The following PROX1 variants were observed in gnomAD, a reference collection of about 807,000 sequenced individuals.
The protein encoded by PROX1 is prospero homeobox protein 1.
In PROX1, 7 loss-of-function variants were observed where a neutral mutation model predicts 58.8. That is an observed-to-expected ratio of 0.12 (90% confidence interval 0.07 to 0.22). PROX1 has a LOEUF of 0.22. Among genes scored for constraint, PROX1 ranks in the 10% least tolerant of loss-of-function variants. The probability of loss-of-function intolerance (pLI) is 1.00; values close to 1 mark genes in which losing one functional copy is unlikely to be tolerated. For synonymous variants in PROX1, 350 were observed against 358.3 expected (o/e 0.98, Z 0.26); for missense variants, 675 against 927.8 (o/e 0.73, Z 3.54).
In PROX1 at chr1:214,008,226, AT is replaced by A. The variant is rs1022106098; in HGVS notation, c.1833+2962del. ...GCCACCACGCCTGGCTAATTTTTGT[AT>A]TTTTTTTAGTAGAGACGGGGTTTCA... On this transcript the variant is annotated intron_variant, in intron 3 of 4. Transcript: ENST00000366958. 1.1e-4 allele frequency among the ~76,000 whole-genome samples: 16 copies of A among 151,626 alleles called. No individual in the cohort carries two copies. The East Asian group carries it at 3.1e-3, about 29-fold the overall frequency.
At chr1:213,986,060 C>T (rs1305447973), upstream of PROX1, 1 of 152,234 alleles carries the variant, frequency 6.6e-6, no homozygotes, top group Non-Finnish European at 1.5e-5. Flanking sequence ...GCTCAATACA[C>T]CCGCTTACCT....
Position 213,997,115 on chromosome 1 carries a change from G to C in PROX1, c.580G>C (p.Ala194Pro). 1 of 1,613,712 alleles carries C rather than the reference G, an allele frequency of 6.2e-7. No homozygotes were observed. Among genetic ancestry groups the C allele is most frequent in the Non-Finnish European group, 8.5e-7 (1 of 1,179,884 alleles). ...GGGCAATGAAAATGAAAGAGAGATG[G>C]CCCCGCAGTCTGTGAGTCCCCGAGA... ...LRGNENEREMAPQSVSPRESY... is the reference protein window; with the variant it reads ...LRGNENEREMPPQSVSPRESY... Residue 194 changes from alanine (A) to proline (P), a missense_variant, in exon 2 of 5, where the codon GCC (alanine) becomes CCC (proline). Physicochemically the swap from Ala to Pro is conservative, Grantham distance 27 (BLOSUM62 -1). Around this residue, in one of 8 missense-constraint regions of PROX1, gnomAD observed 403 missense variants for 477.4 expected, o/e 0.84. Transcript: ENST00000366958. This position sits in a 1 kb window ranked among gnomAD's most constrained non-coding sequence, Gnocchi z 7.1.
chr1:214,008,430 A>C (rs540970934), intron 3 of PROX1, among the ~76,000 whole-genome samples: 126 of 152,306 alleles, frequency 8.3e-4, no homozygotes, highest in African/African-American at 2.7e-3. Flanking sequence ...CAACAACAAA[A>C]AAAACCAGGA....
At chr1:214,030,398 T>C (rs1374448015) in intron 4 of PROX1, 2 of 152,110 alleles carry the variant, frequency 1.3e-5, no homozygotes, top group African/African-American at 4.8e-5. Flanking sequence ...AATCTATTGA[T>C]AGGCTTGATA....
At chr1:214,027,856 TTA>T (rs139270548) in intron 4 of PROX1, among the ~76,000 whole-genome samples, 24 of 144,794 alleles carry the variant, frequency 1.7e-4, no homozygotes, top group Admixed American at 2.1e-4. Flanking sequence ...TTTCGAAGCT[TTA>T]TATATATATA....
intron 4 of PROX1, among the ~76,000 whole-genome samples, chr1:214,015,719 C>T (rs1168549079): frequency 6.6e-6 from 1 of 152,040 alleles, no homozygotes; most frequent in Non-Finnish European, 1.5e-5. Context: ...GCAGAATCAT[C>T]CAAAGGTTGG....
At chr1:213,994,764 T>C (rs1364005706) in intron 1 of PROX1, among the ~76,000 whole-genome samples, 1 of 23,080 alleles carries the variant, frequency 4.3e-5, no homozygotes, top group East Asian at 9.2e-4. Flanking sequence ...TATATATATA[T>C]ATATATATAT....
intron 2 of PROX1, among the ~76,000 whole-genome samples, chr1:214,003,928 T>A (rs890101378): frequency 6.6e-5 from 10 of 152,252 alleles, no homozygotes; most frequent in Non-Finnish European, 1.0e-4. Flanking sequence ...TTATTTGACA[T>A]TTCTGCCTAA....
chr1:214,022,648 G>A (rs538452885), intron 4 of PROX1, among the ~76,000 whole-genome samples: 9 of 152,302 alleles, frequency 5.9e-5, no homozygotes, highest in East Asian at 1.9e-4. Context: ...GTGGTGGAAG[G>A]AGCACTGGCC....
chr1:214,005,262 C>G lies in PROX1; in HGVS notation c.1823C>G (p.Ser608Cys), dbSNP rs1462206716. ...PSSNMLKTYF[S>C]DVKFNRCITS... ...TCCAATATGCTGAAGACCTACTTCT[C>G]CGACGTAAAGGTAGGGACTTTTTTT... The change falls in exon 3 of 5, where the codon TCC (serine) becomes TGC (cysteine). Residue 608 changes from serine to cysteine, a missense_variant. Physicochemically the swap from Ser to Cys is moderately radical, Grantham distance 112 (BLOSUM62 -1). Around this residue, in one of 8 missense-constraint regions of PROX1, gnomAD observed 39 missense variants for 73.4 expected, o/e 0.53. Transcript: ENST00000366958. 6.2e-7 allele frequency: 1 copy of G among 1,610,938 alleles called. No individual in the cohort carries two copies. The highest frequency in any genetic ancestry group is 8.5e-7 in the Non-Finnish European group (1 of 1,177,498).
At chr1:214,031,101 G>A (rs1181695921) in intron 4 of PROX1, among the ~76,000 whole-genome samples, 4 of 151,840 alleles carry the variant, frequency 2.6e-5, no homozygotes, top group South Asian at 4.2e-4. Flanking sequence ...ACACACACGC[G>A]CAACCCAGCT....
At position 214,041,467 on chromosome 1, in the gene PROX1, A is replaced by G. The variant is rs534086307; in HGVS notation, c.*5633A>G. 8 of 151,634 alleles carry G rather than the reference A, an allele frequency of 5.3e-5. No homozygotes were observed. Among genetic ancestry groups the G allele is most frequent in the Non-Finnish European group, 7.4e-5 (5 of 67,906 alleles). 9.4% of individuals were successfully genotyped at this position (151,634 alleles called of 1,614,324 possible). On this transcript the variant is annotated 3_prime_UTR_variant, in exon 5 of 5. Transcript: ENST00000366958. ...TTGCTTGGATTTCTCTCTCTGAAACATCTTTCAGGCTTAACTTTATTTAGC... is the reference window on the plus strand; with the variant it reads ...TTGCTTGGATTTCTCTCTCTGAAACGTCTTTCAGGCTTAACTTTATTTAGC...
intron 4 of PROX1, among the ~76,000 whole-genome samples, chr1:214,016,479 G>T (rs1664100172): frequency 6.6e-6 from 1 of 152,152 alleles, no homozygotes; most frequent in African/African-American, 2.4e-5. Flanking sequence ...CACTGCTGTT[G>T]CAGTCTTTTG....
intron 1 of PROX1, among the ~76,000 whole-genome samples, chr1:213,994,750 A>AATATATATATAT (rs66460564): frequency 6.0e-4 from 53 of 88,284 alleles, no homozygotes; most frequent in South Asian, 2.4e-3. Context: ...CAAGCATGCA[A>AATATATATATAT]ATATATATAT....
intron 2 of PROX1, among the ~76,000 whole-genome samples, chr1:214,003,268 C>T (rs569036355): frequency 5.9e-5 from 9 of 152,294 alleles, no homozygotes; most frequent in South Asian, 2.1e-4. Flanking sequence ...AAATGCATGA[C>T]GTTGTCTTAA....
At chr1:213,983,825 T>C (rs943921648), upstream of PROX1, 1 of 151,152 alleles carries the variant, frequency 6.6e-6, no homozygotes, top group Non-Finnish European at 1.5e-5. Flanking sequence ...TTTTGTTTGG[T>C]TTTTTTAAAT....
At chr1:213,999,027 C>T (rs1663394677) in intron 2 of PROX1, among the ~76,000 whole-genome samples, 1 of 152,214 alleles carries the variant, frequency 6.6e-6, no homozygotes, top group Non-Finnish European at 1.5e-5. Context: ...TTTGTCCCAA[C>T]ATACACAAAG....
intron 3 of PROX1, among the ~76,000 whole-genome samples, chr1:214,006,925 GCACACATAGGTGTCACT>G (rs1402829144): frequency 6.6e-6 from 1 of 152,280 alleles, no homozygotes; most frequent in East Asian, 1.9e-4. Context: ...TTTACCAACT[GCACACATAGGTGTCACT>G]CACCCACCAC....
chr1:214,040,461 TA>T lies in PROX1; in HGVS notation c.*4632del. ...TATTTTTTTAAATATTCAATTCCCC[TA>T]AAAATGGGGAGAAAATATTTTAAAA... is the stretch of plus-strand genomic sequence containing the variant. On this transcript the variant is annotated 3_prime_UTR_variant, in exon 5 of 5. Coordinates refer to ENST00000366958, the MANE Select transcript of PROX1 (RefSeq NM_001270616.2). 6.6e-6 allele frequency: 1 copy of T among 152,272 alleles called. No homozygotes were observed. The highest frequency in any genetic ancestry group is 1.5e-5 in the Non-Finnish European group (1 of 68,000). The allele number at this position is 152,272 out of a possible 1,614,324, so 9.4% of individuals were successfully genotyped here.
Sources: gnomAD v4.1 joint callset for allele counts (sites outside exome capture counted in the v4.1 genomes callset) on GRCh38, gnomAD v4.1.1 for gene constraint, gnomAD v4.1.1 regional missense constraint, Gnocchi (gnomAD v3.1) non-coding constraint, MANE v1.5 for transcripts, NCBI Gene and HGNC (gene_info 2026-07-23, HGNC 2026-07-21) for gene names.